NXPE2: variants seen among roughly 807,000 people sequenced by gnomAD.
NXPE2 encodes the protein NXPE family member 2.
In NXPE2, 34 loss-of-function variants were observed where a neutral mutation model predicts 34.4. The observed-to-expected ratio is 0.99, with a 90% CI of 0.75 to 1.31. The LOEUF (loss-of-function observed/expected upper bound fraction) is 1.31, where lower values mean the gene tolerates loss of function less well. Ranked by LOEUF, NXPE2 falls within the 40% of genes most tolerant of loss-of-function variation. NXPE2 has a pLI of 0.00. For synonymous variants in NXPE2, 235 were observed against 231.3 expected, an observed-to-expected ratio of 1.02 and a Z score of -0.15; for missense variants, 649 against 672.5, an observed-to-expected ratio of 0.97 and a Z score of 0.39.
At chr11:114,536,780 G>T in the NXPE2 span, among the ~76,000 whole-genome samples, 3 of 152,100 alleles carry the variant, frequency 2.0e-5, no homozygotes, top group Non-Finnish European at 2.9e-5. Context: ...TGAAATTGAG[G>T]CAATAATTAA....
chr11:114,756,232 G>A, the NXPE2 span, among the ~76,000 whole-genome samples: 1 of 152,144 alleles, frequency 6.6e-6, no homozygotes, highest in South Asian at 2.1e-4. Context: ...AGAAGGAGAC[G>A]ATAGAACAGA....
chr11:114,685,045 AGAG>A (rs1218273389), intron 2 of NXPE2, among the ~76,000 whole-genome samples: 1 of 152,238 alleles, frequency 6.6e-6, no homozygotes, highest in Non-Finnish European at 1.5e-5. Flanking sequence ...AAAAAGTGAC[AGAG>A]AAGAGGAGGA....
chr11:114,627,220 G>A, the NXPE2 span, among the ~76,000 whole-genome samples: 1 of 152,028 alleles, frequency 6.6e-6, no homozygotes, highest in Admixed American at 6.6e-5. Context: ...ATAATTGTCA[G>A]ATTCACCAAA....
At chr11:114,563,096 GAGAGTCTC>G in the NXPE2 span, among the ~76,000 whole-genome samples, 1 of 152,104 alleles carries the variant, frequency 6.6e-6, no homozygotes, top group South Asian at 2.1e-4. Flanking sequence ...TCACATGATT[GAGAGTCTC>G]AGAGTCTCAG....
the NXPE2 span, chr11:114,584,005 G>A: frequency 2.8e-6 from 1 of 359,300 alleles, no homozygotes; most frequent in Non-Finnish European, 5.5e-6. Flanking sequence ...TAATAGAGAT[G>A]TTCCTGTCTA....
the NXPE2 span, among the ~76,000 whole-genome samples, chr11:114,768,948 A>T: frequency 6.6e-6 from 1 of 152,208 alleles, no homozygotes; most frequent in Non-Finnish European, 1.5e-5. Flanking sequence ...CAAAAGCCAA[A>T]ACTGACAAAT....
At chr11:114,790,389 C>T in the NXPE2 span, among the ~76,000 whole-genome samples, 1 of 152,312 alleles carries the variant, frequency 6.6e-6, no homozygotes, top group South Asian at 2.1e-4. Flanking sequence ...TAACAGCTAT[C>T]ATTTACTTAG....
the NXPE2 span, among the ~76,000 whole-genome samples, chr11:114,482,240 T>C: frequency 6.6e-6 from 1 of 152,140 alleles, no homozygotes; most frequent in Non-Finnish European, 1.5e-5. Context: ...CAGCAGTGTA[T>C]AGGCTCCTCA....
the NXPE2 span, among the ~76,000 whole-genome samples, chr11:114,605,412 A>G: frequency 2.0e-5 from 3 of 151,952 alleles, no homozygotes; most frequent in Non-Finnish European, 4.4e-5. Context: ...CTGGTGGATA[A>G]TAAGTATTGC....
chr11:114,576,659 G>C, the NXPE2 span, among the ~76,000 whole-genome samples: 10 of 152,100 alleles, frequency 6.6e-5, no homozygotes, highest in African/African-American at 1.7e-4. Flanking sequence ...CCTCAGTCCT[G>C]TAAGAAAGGC....
the NXPE2 span, among the ~76,000 whole-genome samples, chr11:114,813,156 A>T: frequency 6.6e-6 from 1 of 152,220 alleles, no homozygotes; most frequent in Non-Finnish European, 1.5e-5. Flanking sequence ...GACTAACTTC[A>T]CTAGACAAAG....
At chr11:114,492,264 A>G in the NXPE2 span, among the ~76,000 whole-genome samples, 1 of 152,090 alleles carries the variant, frequency 6.6e-6, no homozygotes, top group African/African-American at 2.4e-5. Flanking sequence ...ATTTAAGAGC[A>G]TATTGTTTAA....
chr11:114,609,261 T>C, the NXPE2 span, among the ~76,000 whole-genome samples: 15 of 151,866 alleles, frequency 9.9e-5, no homozygotes, highest in Non-Finnish European at 2.2e-4. Context: ...GGTTAATAAG[T>C]ATTGCCTCAT....
the NXPE2 span, among the ~76,000 whole-genome samples, chr11:114,549,516 A>C: frequency 6.6e-6 from 1 of 152,076 alleles, no homozygotes; most frequent in Non-Finnish European, 1.5e-5. Context: ...ATAAAAGCAC[A>C]ATAGGACTTT....
the NXPE2 span, among the ~76,000 whole-genome samples, chr11:114,577,866 C>T: frequency 3.9e-5 from 6 of 152,224 alleles, no homozygotes; most frequent in African/African-American, 1.4e-4. Flanking sequence ...TTCACATATG[C>T]TTGGGATAAT....
At chr11:114,642,467 C>T in the NXPE2 span, among the ~76,000 whole-genome samples, 1 of 152,044 alleles carries the variant, frequency 6.6e-6, no homozygotes, top group African/African-American at 2.4e-5. Flanking sequence ...TTTTCCCCTC[C>T]CTGTGTCCAT....
chr11:114,809,107 A>C, the NXPE2 span, among the ~76,000 whole-genome samples: 1 of 152,156 alleles, frequency 6.6e-6, no homozygotes, highest in African/African-American at 2.4e-5. Context: ...TGATTATCTC[A>C]ATAGATGCAG....
At chr11:114,804,825 G>C in the NXPE2 span, among the ~76,000 whole-genome samples, 17 of 152,098 alleles carry the variant, frequency 1.1e-4, 1 homozygote, top group Non-Finnish European at 2.1e-4. Flanking sequence ...AGGAAGACCA[G>C]GGCTTCCTGA....
the NXPE2 span, among the ~76,000 whole-genome samples, chr11:114,541,304 G>C: frequency 1.3e-5 from 2 of 152,150 alleles, no homozygotes; most frequent in Non-Finnish European, 2.9e-5. Context: ...CCAACCCTGA[G>C]ATAACATAGA....
Sources: allele counts gnomAD v4.1 joint callset (sites outside exome capture counted in the v4.1 genomes callset), GRCh38; gene constraint gnomAD v4.1.1; transcripts MANE v1.5; gene names NCBI Gene and HGNC (gene_info 2026-07-23, HGNC 2026-07-21).